ZFHX3: variants seen among roughly 807,000 people sequenced by gnomAD.
ZFHX3 encodes zinc finger homeobox protein 3.
A neutral mutation model predicts 279.1 loss-of-function variants in ZFHX3; 42 were observed. The observed-to-expected ratio is 0.15, with a 90% confidence interval of 0.12 to 0.19. ZFHX3 has a LOEUF of 0.19. Among genes scored for constraint, ZFHX3 ranks in the 10% least tolerant of loss-of-function variants. ZFHX3 has a pLI of 1.00. For synonymous variants in ZFHX3, 2,293 were observed against 1,957.8 expected, an observed-to-expected ratio of 1.17 and a Z score of -4.52; for missense variants, 4,981 against 4,754.0, an observed-to-expected ratio of 1.05 and a Z score of -1.40.
chr16:72,815,372 C>T (rs2036575749), intron 5 of ZFHX3, among the ~76,000 whole-genome samples: 1 of 150,274 alleles, frequency 6.7e-6, no homozygotes, highest in African/African-American at 2.5e-5. Flanking sequence ...TGTGCCACTG[C>T]ACCCCAGCCT....
intron 4 of ZFHX3, among the ~76,000 whole-genome samples, chr16:73,299,160 G>A (rs747236777): frequency 1.3e-4 from 20 of 152,224 alleles, no homozygotes; most frequent in Non-Finnish European, 2.9e-4. Flanking sequence ...TACTACAATA[G>A]TCCTTAGACA....
intron 1 of ZFHX3, among the ~76,000 whole-genome samples, chr16:73,017,745 G>T (rs1363936097): frequency 6.6e-6 from 1 of 152,044 alleles, no homozygotes. Context: ...AAATATCCAA[G>T]TGGCCCCAGT....
At chr16:73,597,235 C>T (rs563934220) in intron 2 of ZFHX3, among the ~76,000 whole-genome samples, 23 of 152,308 alleles carry the variant, frequency 1.5e-4, no homozygotes, top group Admixed American at 5.9e-4. Flanking sequence ...TCTTCCATGA[C>T]GCCTTCCCTG....
chr16:73,041,392 C>T (rs1001420867), intron 1 of ZFHX3, among the ~76,000 whole-genome samples: 1 of 118,344 alleles, frequency 8.4e-6, no homozygotes, highest in African/African-American at 4.1e-5. Context: ...CGACTGCCTC[C>T]GTTAAAAAAG....
At chr16:73,602,350 C>T (rs1300761448) in intron 2 of ZFHX3, among the ~76,000 whole-genome samples, 2 of 152,112 alleles carry the variant, frequency 1.3e-5, no homozygotes, top group Non-Finnish European at 2.9e-5. Flanking sequence ...ATGAATACTA[C>T]AGAACGAGCA....
intron 3 of ZFHX3, among the ~76,000 whole-genome samples, chr16:73,337,894 G>GGGGA (rs1555510891): frequency 1.4e-5 from 2 of 143,344 alleles, no homozygotes; most frequent in Non-Finnish European, 3.1e-5. Flanking sequence ...TCCCTTGGCG[G>GGGGA]GGGGGGGGGT....
At position 72,785,164 on chromosome 16, in the gene ZFHX3, CTATT is replaced by C. The variant is rs899956392; in HGVS notation, c.*1996_*1999del. On this transcript the variant is annotated 3_prime_UTR_variant, in exon 10 of 10. Coordinates refer to ENST00000268489, the MANE Select transcript of ZFHX3 (RefSeq NM_006885.4). ...CTATGAAAGTGAAACAGCAAAGCAT[CTATT>C]TATTTGTCTCCAAAATCTATGTTTT... 6.6e-6 allele frequency: 1 copy of C among 152,608 alleles called. No homozygotes were observed. Among genetic ancestry groups the C allele is most frequent in the African/African-American group, 2.4e-5 (1 of 41,420 alleles). 9.5% of individuals were successfully genotyped at this position (152,608 alleles called of 1,614,324 possible).
chr16:73,194,353 C>T (rs536348379), intron 5 of ZFHX3, among the ~76,000 whole-genome samples: 98 of 152,150 alleles, frequency 6.4e-4, no homozygotes, highest in Admixed American at 9.8e-4. Context: ...GCGTGCACCA[C>T]CACCCCCAGC....
chr16:73,481,840 T>G (rs927320844), intron 2 of ZFHX3, among the ~76,000 whole-genome samples: 1 of 152,092 alleles, frequency 6.6e-6, no homozygotes, highest in Non-Finnish European at 1.5e-5. Context: ...TTGTTTAAAA[T>G]ACGGCATACT....
intron 5 of ZFHX3, among the ~76,000 whole-genome samples, chr16:73,171,966 A>T (rs1233923123): frequency 3.3e-5 from 5 of 152,184 alleles, no homozygotes; most frequent in Non-Finnish European, 5.9e-5. Context: ...CAATATGCAC[A>T]ATGATTATGT....
At chr16:72,862,781 G>A (rs1052069421) in intron 4 of ZFHX3, among the ~76,000 whole-genome samples, 1 of 152,068 alleles carries the variant, frequency 6.6e-6, no homozygotes, top group Non-Finnish European at 1.5e-5. Flanking sequence ...AATCCCGACT[G>A]CAGGGATCCT....
At chr16:73,514,611 C>T (rs1202464494) in intron 2 of ZFHX3, among the ~76,000 whole-genome samples, 1 of 152,128 alleles carries the variant, frequency 6.6e-6, no homozygotes, top group Non-Finnish European at 1.5e-5. Flanking sequence ...CTCATGTAAC[C>T]ATCATAACTC....
chr16:73,184,551 G>T (rs1052875983), intron 5 of ZFHX3, among the ~76,000 whole-genome samples: 17 of 152,158 alleles, frequency 1.1e-4, no homozygotes, highest in Non-Finnish European at 2.5e-4. Flanking sequence ...AAGGCAGGTC[G>T]TGAGCCTGTG....
intron 3 of ZFHX3, among the ~76,000 whole-genome samples, chr16:73,349,112 A>G (rs2016175224): frequency 6.6e-6 from 1 of 152,038 alleles, no homozygotes; most frequent in Non-Finnish European, 1.5e-5. Context: ...ACACTTTCCC[A>G]CTCAGGGATC....
chr16:73,671,452 C>A (rs558538215), intron 2 of ZFHX3, among the ~76,000 whole-genome samples: 7 of 152,228 alleles, frequency 4.6e-5, no homozygotes, highest in African/African-American at 1.7e-4. Flanking sequence ...GCCAGAGAGA[C>A]AAATACATGG....
chr16:72,792,794 G>A (rs1351455471), intron 9 of ZFHX3, among the ~76,000 whole-genome samples: 1 of 152,128 alleles, frequency 6.6e-6, no homozygotes, highest in Non-Finnish European at 1.5e-5. Context: ...AAGAAGGCAG[G>A]GACCCCAGGT....
chr16:73,285,158 A>G (rs1312441487), intron 4 of ZFHX3, among the ~76,000 whole-genome samples: 2 of 152,164 alleles, frequency 1.3e-5, no homozygotes, highest in African/African-American at 4.8e-5. Flanking sequence ...CTTGGTTGCA[A>G]CCCTTGAGAA....
intron 2 of ZFHX3, among the ~76,000 whole-genome samples, chr16:73,677,235 A>AGG (rs3049592): frequency 7.5e-4 from 1 of 1,340 alleles, no homozygotes; most frequent in African/African-American, 7.6e-3. Context: ...TAATAATAAC[A>AGG]TGATGTCATA....
rs538497464 is a variant in ZFHX3 at position 73,329,981 on chromosome 16, C to T, written c.-1290-11645G>A. ...AGAGCAGTTGTTATTATTCATCTTT[C>T]ACAGGGGCTGGGTTGTCATGATTAG... On this transcript the variant is annotated intron_variant, in intron 3 of 17. Coordinates refer to the ZFHX3 transcript ENST00000641206. Among the ~76,000 whole-genome samples the T allele has an allele frequency of 1.2e-3, 176 of 152,278 alleles. 1 individual carries two copies. The highest frequency in any genetic ancestry group is 4.1e-3 in the African/African-American group (169 of 41,548).
Sources: gnomAD v4.1 joint callset for allele counts (sites outside exome capture counted in the v4.1 genomes callset) on GRCh38, gnomAD v4.1.1 for gene constraint, MANE v1.5 for transcripts, NCBI Gene and HGNC (gene_info 2026-07-23, HGNC 2026-07-21) for gene names.